Variants in XYLT1 observed in about 807,000 individuals in gnomAD.
XYLT1 encodes beta-D-xylosyltransferase 1.
A neutral mutation model predicts 91.3 loss-of-function variants in XYLT1; 36 were observed. The ratio of observed to expected loss-of-function variants is 0.39; its 90% CI spans 0.30 to 0.52. XYLT1 has a LOEUF of 0.52. Among genes scored for constraint, XYLT1 ranks in the 20% least tolerant of loss-of-function variants. The pLI is 0.68. For synonymous variants in XYLT1, 588 were observed against 532.0 expected (o/e 1.11, Z -1.45); for missense variants, 1,242 against 1,284.5 (o/e 0.97, Z 0.51).
intron 1 of XYLT1, among the ~76,000 whole-genome samples, chr16:17,375,180 T>C (rs1340022072): frequency 1.3e-5 from 2 of 152,196 alleles, no homozygotes; most frequent in Admixed American, 6.5e-5. Flanking sequence ...ATAATAACAT[T>C]TCTTAGGCAC....
At chr16:17,444,423 A>T (rs1195215064) in intron 1 of XYLT1, among the ~76,000 whole-genome samples, 1 of 151,602 alleles carries the variant, frequency 6.6e-6, no homozygotes, top group Non-Finnish European at 1.5e-5. Context: ...GTAACCTCAA[A>T]CTCCTGGGCT....
At chr16:17,183,167 G>T (rs895221502) in intron 5 of XYLT1, among the ~76,000 whole-genome samples, 2 of 152,170 alleles carry the variant, frequency 1.3e-5, no homozygotes, top group Non-Finnish European at 2.9e-5. Context: ...CAAGTCACTT[G>T]AACACTCTGA....
chr16:17,224,683 A>T (rs2033031598), intron 3 of XYLT1, among the ~76,000 whole-genome samples: 1 of 152,314 alleles, frequency 6.6e-6, no homozygotes, highest in South Asian at 2.1e-4. Context: ...AGAGACAGCT[A>T]ACCATCCATC....
chr16:17,166,047 C>G (rs532432995), intron 5 of XYLT1, among the ~76,000 whole-genome samples: 6 of 152,238 alleles, frequency 3.9e-5, no homozygotes, highest in Non-Finnish European at 7.3e-5. Flanking sequence ...TCTTGCAGAG[C>G]TGGCAGGCTC....
At chr16:17,342,525 C>T (rs1013745289) in intron 2 of XYLT1, among the ~76,000 whole-genome samples, 5 of 152,118 alleles carry the variant, frequency 3.3e-5, no homozygotes, top group African/African-American at 1.2e-4. Context: ...AGTTCGAGAC[C>T]AGCCGGGCCA....
At chr16:17,347,472 G>A (rs2035159425) in intron 2 of XYLT1, among the ~76,000 whole-genome samples, 1 of 152,184 alleles carries the variant, frequency 6.6e-6, no homozygotes, top group Non-Finnish European at 1.5e-5. Context: ...GCTTTATTTA[G>A]CATGAGACTG....
rs141359919 is a variant in XYLT1 at position 17,288,390 on chromosome 16, C to T, written c.403-28892G>A. ...ACAGTTTCACTCATGGCAAGAGTAA[C>T]GGCAGCTGGGATTTCTTACTTACCT... On this transcript the variant is annotated intron_variant, in intron 2 of 11. Coordinates refer to ENST00000261381, the MANE Select transcript of XYLT1 (RefSeq NM_022166.4). Among the ~76,000 whole-genome samples the T allele has an allele frequency of 3.0e-3, 451 of 152,020 alleles. 1 individual carries two copies. The highest frequency in any genetic ancestry group is 0.01 in the African/African-American group (428 of 41,460).
At chr16:17,306,557 G>GAGATATATATAT (rs1555496148) in intron 2 of XYLT1, among the ~76,000 whole-genome samples, 1 of 146,472 alleles carries the variant, frequency 6.8e-6, no homozygotes, top group Non-Finnish European at 1.5e-5. Flanking sequence ...TGTCACAAAA[G>GAGATATATATAT]ATATATATAT....
chr16:17,383,338 A>G (rs2035704721), intron 1 of XYLT1, among the ~76,000 whole-genome samples: 1 of 151,608 alleles, frequency 6.6e-6, no homozygotes, highest in Non-Finnish European at 1.5e-5. Flanking sequence ...ACCTTTCCTG[A>G]CCTCCGAAGA....
intron 2 of XYLT1, among the ~76,000 whole-genome samples, chr16:17,309,688 C>T (rs1049802244): frequency 1.3e-5 from 2 of 152,216 alleles, no homozygotes; most frequent in African/African-American, 4.8e-5. Flanking sequence ...CCTGAACCTG[C>T]ATCTCATTCC....
intron 5 of XYLT1, among the ~76,000 whole-genome samples, chr16:17,169,889 C>T (rs995771886): frequency 2.0e-5 from 3 of 152,138 alleles, no homozygotes; most frequent in Admixed American, 6.5e-5. Context: ...CTTCAGAGGG[C>T]ATCGAAAGAT....
chr16:17,337,499 A>C (rs534783406), intron 2 of XYLT1, among the ~76,000 whole-genome samples: 1 of 151,840 alleles, frequency 6.6e-6, no homozygotes, highest in South Asian at 2.1e-4. Flanking sequence ...GAGAACCTTT[A>C]ATTGAACTTG....
chr16:17,290,498 C>T (rs1184724400), intron 2 of XYLT1, among the ~76,000 whole-genome samples: 2 of 152,246 alleles, frequency 1.3e-5, no homozygotes, highest in African/African-American at 4.8e-5. Flanking sequence ...CAGGGGCCTT[C>T]AACCGCATGG....
intron 2 of XYLT1, among the ~76,000 whole-genome samples, chr16:17,301,689 C>T (rs768455263): frequency 3.3e-5 from 5 of 152,092 alleles, no homozygotes; most frequent in East Asian, 1.9e-4. Flanking sequence ...GGCCACAGTG[C>T]GAAGGCGTTT....
chr16:17,280,816 T>A (rs1216480582), intron 2 of XYLT1, among the ~76,000 whole-genome samples: 2 of 152,178 alleles, frequency 1.3e-5, no homozygotes, highest in Admixed American at 6.5e-5. Flanking sequence ...ATATTAGCAT[T>A]TCTACCCCCA....
In XYLT1 at chr16:17,414,412, TCTCGACCTC is replaced by T. The variant is rs575386531; in HGVS notation, c.363+56013_363+56021del. 1.1e-4 allele frequency among the ~76,000 whole-genome samples: 17 copies of T among 152,278 alleles called. No homozygotes were observed. The South Asian group carries it at 3.5e-3, about 32-fold the overall frequency. ...GTGGCACAATCATAGCTCACTACAG[TCTCGACCTC>T]CTGGGCTCAAGCAATCCTCCAGCTT... On this transcript the variant is annotated intron_variant, in intron 1 of 11. Transcript: ENST00000261381.
chr16:17,392,388 GCT>G (rs1353062208), intron 1 of XYLT1, among the ~76,000 whole-genome samples: 2 of 152,032 alleles, frequency 1.3e-5, no homozygotes, highest in Non-Finnish European at 2.9e-5. Context: ...CTCCCTCAGG[GCT>G]CTCTTGGGAC....
intron 3 of XYLT1, among the ~76,000 whole-genome samples, chr16:17,206,390 G>A (rs187244092): frequency 6.6e-6 from 1 of 152,002 alleles, no homozygotes; most frequent in Non-Finnish European, 1.5e-5. Context: ...CCCTGCTCTC[G>A]ATGGGTTTAG....
intron 3 of XYLT1, among the ~76,000 whole-genome samples, chr16:17,226,590 C>T (rs2033070286): frequency 6.6e-6 from 1 of 152,186 alleles, no homozygotes; most frequent in African/African-American, 2.4e-5. Flanking sequence ...GTGTTTGAGA[C>T]AAGCCTGGCC....
Sources: allele counts gnomAD v4.1 joint callset (sites outside exome capture counted in the v4.1 genomes callset), GRCh38; gene constraint gnomAD v4.1.1; transcripts MANE v1.5; gene names NCBI Gene and HGNC (gene_info 2026-07-23, HGNC 2026-07-21).